FCER1G: variants seen among roughly 807,000 people sequenced by gnomAD.
The protein encoded by FCER1G is Fc epsilon receptor Ig, also known as high affinity immunoglobulin epsilon receptor subunit gamma.
Under a neutral mutation model 17.3 loss-of-function variants are expected in FCER1G, and 7 were observed. The observed-to-expected ratio is 0.40, with a 90% CI of 0.23 to 0.76. The LOEUF is 0.76. FCER1G is among the 30% of genes least tolerant of loss of function. FCER1G has a pLI of 0.35. For synonymous variants in FCER1G, 35 were observed against 38.7 expected (o/e 0.90, Z 0.35); for missense variants, 87 against 97.7 (o/e 0.89, Z 0.46).
At position 161,219,191 on chromosome 1, in the gene FCER1G, A is replaced by G; in HGVS notation, c.*248A>G. ...ACCCTTCTTCTCTTCCCCATTCCCA[A>G]CTCCAGCTAAAATATGGGAAGGGAG... On this transcript the variant is annotated 3_prime_UTR_variant, in exon 5 of 5. Coordinates refer to ENST00000289902, the MANE Select transcript of FCER1G (RefSeq NM_004106.2). 1 of 514,190 alleles carries G rather than the reference A, an allele frequency of 1.9e-6. No individual in the cohort carries two copies. The highest frequency in any genetic ancestry group is 3.3e-5 in the East Asian group (1 of 30,164). 31.9% of individuals were successfully genotyped at this position (514,190 alleles called of 1,614,324 possible).
At chr1:161,218,546 G>T (rs978996435) in intron 3 of FCER1G, among the ~76,000 whole-genome samples, 157 bp from the exon 4 acceptor site, 1 of 152,150 alleles carries the variant, frequency 6.6e-6, no homozygotes, top group African/African-American at 2.4e-5. Flanking sequence ...TAGCCATGTG[G>T]GCAAACAGGT....
chr1:161,218,596 C>A, intron 3 of FCER1G, 107 bp from the exon 4 acceptor site: 1 of 1,172,264 alleles, frequency 8.5e-7, no homozygotes, highest in Non-Finnish European at 1.3e-6. Context: ...CCCTCTAGCC[C>A]AAGGTGGCTG....
chr1:161,218,958 C>G lies in FCER1G; in HGVS notation c.*15C>G. ...CACCACAGTAGCTTTAGAATAGATG[C>G]GGTCATATTCTTCTTTGGCTTCTGG... is the stretch of plus-strand genomic sequence containing the variant. On this transcript the variant is annotated 3_prime_UTR_variant, in exon 5 of 5. Transcript: ENST00000289902. 1 of 1,601,466 alleles carries G rather than the reference C, an allele frequency of 6.2e-7. No individual in the cohort carries two copies. Among genetic ancestry groups the G allele is most frequent in the Non-Finnish European group, 8.6e-7 (1 of 1,168,506 alleles).
rs74124668 is a variant in FCER1G at position 161,215,521 on chromosome 1, G to A, written c.49+151G>A. On this transcript the variant is annotated intron_variant, in intron 1 of 4. Transcript: ENST00000289902. ...CCTGAGGCTAGTCCTCTCCAGCCCC[G>A]ACCCAGGGCACTAGACTCATAGTTC... 3.4e-3 allele frequency: 2,512 copies of A among 728,912 alleles called. 28 individuals carry two copies. The highest frequency in any genetic ancestry group is 0.031 in the African/African-American group (1,771 of 57,792). The allele number at this position is 728,912 out of a possible 1,614,324, so 45.2% of individuals were successfully genotyped here.
chr1:161,218,792 A>G, intron 4 of FCER1G, 69 bp downstream of exon 4: 1 of 1,557,260 alleles, frequency 6.4e-7, no homozygotes, highest in South Asian at 1.1e-5. Flanking sequence ...GATCTTTGGA[A>G]GGCCGGTGGG....
At position 161,218,877 on chromosome 1, in the gene FCER1G, C is replaced by T. The variant is rs113730786; in HGVS notation, c.199-4C>T. 2.5e-6 allele frequency: 4 copies of T among 1,613,534 alleles called. No homozygotes were observed. Among genetic ancestry groups the T allele is most frequent in the Middle Eastern group, 1.6e-4 (1 of 6,062 alleles). On this transcript the variant is annotated splice_polypyrimidine_tract_variant and splice_region_variant and intron_variant, in intron 4 of 4. Coordinates refer to ENST00000289902, the MANE Select transcript of FCER1G (RefSeq NM_004106.2). ...CCTGATCGCCCTTTGACTCCCATCT[C>T]CAGGGCCTGAGCACCAGGAACCAGG...
intron 1 of FCER1G, among the ~76,000 whole-genome samples, chr1:161,217,523 G>A (rs1375212223): frequency 6.6e-6 from 1 of 151,434 alleles, no homozygotes; most frequent in Non-Finnish European, 1.5e-5. Context: ...TTCCTGTCCA[G>A]CCCTCAGCCA....
At chr1:161,218,682 T>G in intron 3 of FCER1G, 21 bp from the exon 4 acceptor site, 1 of 1,614,000 alleles carries the variant, frequency 6.2e-7, no homozygotes, top group Middle Eastern at 1.7e-4. Flanking sequence ...CTTTAATGTT[T>G]TGCTTCTTTT....
chr1:161,217,381 C>A (rs1460892090), intron 1 of FCER1G, among the ~76,000 whole-genome samples: 7 of 146,882 alleles, frequency 4.8e-5, no homozygotes, highest in African/African-American at 1.7e-4. Flanking sequence ...GAAAAACAGA[C>A]ACACTTTTTT....
At chr1:161,215,783 G>A (rs776567818) in intron 1 of FCER1G, among the ~76,000 whole-genome samples, 9 of 152,136 alleles carry the variant, frequency 5.9e-5, no homozygotes, top group Non-Finnish European at 1.0e-4. Context: ...GGTAGAAACC[G>A]GGTTTCGTCA....
chr1:161,217,870 T>A, intron 1 of FCER1G, 116 bp from the exon 2 acceptor site: 1 of 731,664 alleles, frequency 1.4e-6, no homozygotes, highest in Middle Eastern at 2.5e-4. Flanking sequence ...ATTTCTTCCC[T>A]TAGACGGCTC....
Position 161,218,998 on chromosome 1 carries a change from A to G in FCER1G, c.*55A>G, listed in dbSNP as rs1666108982. 1.4e-6 allele frequency: 2 copies of G among 1,419,676 alleles called. No individual in the cohort carries two copies. The highest frequency in any genetic ancestry group is 2.0e-6 in the Non-Finnish European group (2 of 1,002,924). The allele number at this position is 1,419,676 out of a possible 1,614,324, so 87.9% of individuals were successfully genotyped here. A position where few individuals can be genotyped will look rare whatever the true frequency, so the allele number is the denominator to read the frequency against. On this transcript the variant is annotated 3_prime_UTR_variant, in exon 5 of 5. Transcript: ENST00000289902. ...TTGGCTTCTGGTTCTTCCAGCCCTC[A>G]TGGTTGGCATCACATATGCCTGCAT...
At chr1:161,217,844 GCCAGAGA>G in intron 1 of FCER1G, 135 bp from the exon 2 acceptor site, 1 of 682,586 alleles carries the variant, frequency 1.5e-6, no homozygotes, top group Admixed American at 2.2e-5. Context: ...GCAGTGGAAG[GCCAGAGA>G]GAAACAGAAT....
intron 4 of FCER1G, 30 bp downstream of exon 4, chr1:161,218,753 A>G (rs746161856): frequency 6.8e-6 from 11 of 1,612,602 alleles, no homozygotes; most frequent in Non-Finnish European, 9.3e-6. Flanking sequence ...CCACCCAGGA[A>G]GTCAGCAGAA....
chr1:161,218,425 G>A, intron 3 of FCER1G, 149 bp downstream of exon 3: 1 of 729,660 alleles, frequency 1.4e-6, no homozygotes, highest in South Asian at 1.5e-5. Flanking sequence ...ACCTTACCTA[G>A]CCAAGCCACA....
rs773345440 is a variant in FCER1G, at chr1:161,218,024, G to A, written c.88G>A (p.Ala30Thr). ...GCCTCAGCTCTGCTATATCCTGGAT[G>A]CCATCCTGTTTCTGTATGGAATTGT... ...GEPQLCYILD[A>T]ILFLYGIVLT... Residue 30 changes from alanine (A) to threonine (T), a missense_variant, in exon 2 of 5, where the codon GCC (alanine) becomes ACC (threonine). By Grantham distance (58) the Ala-to-Thr change is moderately conservative. Transcript: ENST00000289902. 7.4e-6 allele frequency: 12 copies of A among 1,613,866 alleles called. No homozygotes were observed. The South Asian group carries it at 1.2e-4, about 16-fold the overall frequency.
In FCER1G at chr1:161,219,161, G is replaced by C. The variant is rs1372646016; in HGVS notation, c.*218G>C. 3.5e-6 allele frequency: 2 copies of C among 563,492 alleles called. No individual in the cohort carries two copies. The highest frequency in any genetic ancestry group is 5.9e-5 in the East Asian group (2 of 33,676). 34.9% of individuals were successfully genotyped at this position (563,492 alleles called of 1,614,324 possible). On this transcript the variant is annotated 3_prime_UTR_variant, in exon 5 of 5. Coordinates refer to ENST00000289902, the MANE Select transcript of FCER1G (RefSeq NM_004106.2). ...ATTTATATTCTAGTCTCACTCTCTT[G>C]TCCCACCCTTCTTCTCTTCCCCATT...
chr1:161,216,240 A>G (rs1303446849), intron 1 of FCER1G, among the ~76,000 whole-genome samples: 6 of 150,962 alleles, frequency 4.0e-5, no homozygotes, highest in African/African-American at 1.5e-4. Context: ...TGAACCCAGG[A>G]GGTGGAGGTT....
intron 1 of FCER1G, among the ~76,000 whole-genome samples, chr1:161,215,870 G>A (rs1259556172): frequency 6.6e-6 from 1 of 152,006 alleles, no homozygotes; most frequent in Non-Finnish European, 1.5e-5. Context: ...GGGATTACTG[G>A]TGTGAGCCAC....
Sources: allele counts gnomAD v4.1 joint callset (sites outside exome capture counted in the v4.1 genomes callset), GRCh38; gene constraint gnomAD v4.1.1; transcripts MANE v1.5; gene names NCBI Gene and HGNC (gene_info 2026-07-23, HGNC 2026-07-21).